Variants in GRIA2 observed in about 807,000 individuals in gnomAD.
GRIA2 encodes glutamate receptor 2.
Under a neutral mutation model 97.3 loss-of-function variants are expected in GRIA2, and 14 were observed. The ratio of observed to expected loss-of-function variants is 0.14; its 90% CI spans 0.10 to 0.23. GRIA2 has a LOEUF of 0.23. Among genes scored for constraint, GRIA2 ranks in the 10% least tolerant of loss-of-function variants. GRIA2 has a pLI of 1.00. For missense variants in GRIA2, 558 were observed against 1,069.8 expected, an observed-to-expected ratio of 0.52 and a Z score of 6.67; for synonymous variants, 412 against 387.8, an observed-to-expected ratio of 1.06 and a Z score of -0.73.
chr4:157,295,736 T>G (rs943578822), intron 2 of GRIA2, among the ~76,000 whole-genome samples: 1 of 152,138 alleles, frequency 6.6e-6, no homozygotes, highest in African/African-American at 2.4e-5. Context: ...AAGAGAACAT[T>G]GTATTTACCT....
chr4:157,360,696 G>GT (rs375163206), intron 13 of GRIA2: 11,728 of 298,816 alleles, frequency 0.039, no homozygotes, highest in South Asian at 0.074. Flanking sequence ...TTTGTCGTTT[G>GT]TTTTTTTTTT....
chr4:157,312,918 T>C, intron 4 of GRIA2, 43 bp downstream of exon 4: 2 of 1,136,058 alleles, frequency 1.8e-6, no homozygotes, highest in Non-Finnish European at 2.5e-6. Flanking sequence ...ATATAGAATA[T>C]GCATGCAATG....
In GRIA2 at chr4:157,317,660, T is replaced by A; in HGVS notation, c.669T>A (p.Val223=). The A allele has an allele frequency of 8.9e-7, 1 of 1,123,896 alleles. No individual in the cohort carries two copies. Among genetic ancestry groups the A allele is most frequent in the Non-Finnish European group, 1.3e-6 (1 of 743,574 alleles). The allele number at this position is 1,123,896 out of a possible 1,614,324, so 69.6% of individuals were successfully genotyped here. A position where few individuals can be genotyped will look rare whatever the true frequency, so the allele number is the denominator to read the frequency against. The change falls in exon 5 of 16, where the codon GTT becomes GTA. Residue 223 remains valine, a splice_region_variant and synonymous_variant. Coordinates refer to ENST00000264426, the MANE Select transcript of GRIA2 (RefSeq NM_001083619.3). The part of the protein sequence containing the change: ...RDKVNDIVDQ[V]ITIGKHVKGY... ...AATTACTTATTTGTGCTTATTAGGT[T>A]ATTACCATTGGAAAACATGTTAAAG...
chr4:157,292,961 C>T (rs1310757301), intron 2 of GRIA2, among the ~76,000 whole-genome samples: 1 of 152,040 alleles, frequency 6.6e-6, no homozygotes, highest in Non-Finnish European at 1.5e-5. Context: ...AAGAGCAATG[C>T]GTACTGTCAA....
At chr4:157,321,975 G>C (rs2126906838) in intron 6 of GRIA2, among the ~76,000 whole-genome samples, 1 of 152,212 alleles carries the variant, frequency 6.6e-6, no homozygotes, top group Non-Finnish European at 1.5e-5. Flanking sequence ...ATTGACAGAA[G>C]AATGCCACGA....
chr4:157,305,143 T>C (rs1733787402), intron 3 of GRIA2, among the ~76,000 whole-genome samples: 1 of 152,232 alleles, frequency 6.6e-6, no homozygotes, highest in African/African-American at 2.4e-5. Context: ...CTGAGCTTAT[T>C]AAATAATTTT....
intron 2 of GRIA2, among the ~76,000 whole-genome samples, chr4:157,287,210 AT>A (rs1386010224): frequency 6.6e-6 from 1 of 151,676 alleles, no homozygotes; most frequent in Non-Finnish European, 1.5e-5. Flanking sequence ...TAATAGTTAA[AT>A]TTATTATTTT....
chr4:157,277,818 ATATATATG>A (rs1159462908), intron 2 of GRIA2, among the ~76,000 whole-genome samples: 4 of 144,048 alleles, frequency 2.8e-5, no homozygotes, highest in Non-Finnish European at 4.6e-5. Context: ...TGTATGCTAT[ATATATATG>A]TATATATGTA....
chr4:157,308,643 C>A (rs1361984400), intron 3 of GRIA2, among the ~76,000 whole-genome samples: 1 of 152,126 alleles, frequency 6.6e-6, no homozygotes, highest in Non-Finnish European at 1.5e-5. Context: ...ATAACTATTG[C>A]ATACTAATAG....
At chr4:157,323,713 G>A (rs887335395) in intron 6 of GRIA2, among the ~76,000 whole-genome samples, 2 of 152,030 alleles carry the variant, frequency 1.3e-5, no homozygotes, top group African/African-American at 4.8e-5. Flanking sequence ...TCAAGTTAAT[G>A]TGTCTTGCAT....
At chr4:157,294,887 G>A (rs890049833) in intron 2 of GRIA2, among the ~76,000 whole-genome samples, 4 of 152,144 alleles carry the variant, frequency 2.6e-5, no homozygotes, top group Non-Finnish European at 4.4e-5. Flanking sequence ...CATAGAGCAT[G>A]AGTTGAGCAA....
At chr4:157,278,759 A>C (rs1160962774) in intron 2 of GRIA2, among the ~76,000 whole-genome samples, 3 of 148,174 alleles carry the variant, frequency 2.0e-5, no homozygotes, top group African/African-American at 7.8e-5. Context: ...AAGAACTCAT[A>C]AAACTCAACA....
intron 5 of GRIA2, among the ~76,000 whole-genome samples, chr4:157,318,848 A>G (rs989796415): frequency 1.3e-5 from 2 of 152,166 alleles, no homozygotes; most frequent in African/African-American, 2.4e-5. Context: ...AAAGCTTTTG[A>G]CATATACAAA....
chr4:157,221,543 G>C, intron 1 of GRIA2, 124 bp from the exon 2 acceptor site: 1 of 954,598 alleles, frequency 1.0e-6, no homozygotes, highest in Non-Finnish European at 1.6e-6. Context: ...GAGTCCGTAG[G>C]TGTGTTTATT....
Position 157,336,470 on chromosome 4 carries a change from A to G in GRIA2, c.1567A>G (p.Ile523Val). 1 of 1,613,196 alleles carries G rather than the reference A, an allele frequency of 6.2e-7. No individual in the cohort carries two copies. The highest frequency in any genetic ancestry group is 8.5e-7 in the Non-Finnish European group (1 of 1,179,428). ...GCCCTTCATGAGCCTCGGGATATCT[A>G]TCATGATCAAGAAGCCTCAGAAGTC... Reference protein sequence around the residue: ...SKPFMSLGISIMIKKPQKSKP... With the variant: ...SKPFMSLGISVMIKKPQKSKP... Residue 523 changes from isoleucine to valine, a missense_variant, in exon 11 of 16, where the codon ATC (isoleucine) becomes GTC (valine). Ile to Val is a conservative substitution (Grantham distance 29). Transcript: ENST00000264426.
chr4:157,362,929 T>C lies in GRIA2; in HGVS notation c.2537T>C (p.Met846Thr), dbSNP rs1374294594. 1 of 1,613,632 alleles carries C rather than the reference T, an allele frequency of 6.2e-7. No individual in the cohort carries two copies. The highest frequency in any genetic ancestry group is 8.5e-7 in the Non-Finnish European group (1 of 1,179,688). ...AAGTCAAGGGCCGAGGCGAAACGAA[T>C]GAAGGTGGCAAAGAATGCACAGAAT... ...CYKSRAEAKRMKVAKNAQNIN... is the reference protein window; with the variant it reads ...CYKSRAEAKRTKVAKNAQNIN... Residue 846 changes from methionine (M) to threonine (T), a missense_variant, in exon 15 of 16, where the codon ATG (methionine) becomes ACG (threonine). By Grantham distance (81) the Met-to-Thr change is moderately conservative (BLOSUM62 -1). Coordinates refer to ENST00000264426, the MANE Select transcript of GRIA2 (RefSeq NM_001083619.3).
chr4:157,225,633 T>TC (rs1729708883), intron 2 of GRIA2, among the ~76,000 whole-genome samples: 2 of 151,456 alleles, frequency 1.3e-5, no homozygotes, highest in East Asian at 3.9e-4. Flanking sequence ...TTTTTTTTTT[T>TC]TTCTAGCCTT....
intron 6 of GRIA2, among the ~76,000 whole-genome samples, chr4:157,327,844 A>G (rs1734874164): frequency 6.6e-6 from 1 of 152,118 alleles, no homozygotes; most frequent in Admixed American, 6.6e-5. Context: ...ATCTGCCTGA[A>G]AATAGTATAA....
At chr4:157,341,225 T>C in intron 11 of GRIA2, 39 bp from the exon 12 acceptor site, 1 of 1,349,098 alleles carries the variant, frequency 7.4e-7, no homozygotes, top group Non-Finnish European at 1.1e-6. Flanking sequence ...ATTAGGTCAT[T>C]CATTTCACTT....
Sources: allele counts gnomAD v4.1 joint callset (sites outside exome capture counted in the v4.1 genomes callset), GRCh38; gene constraint gnomAD v4.1.1; transcripts MANE v1.5; gene names NCBI Gene and HGNC (gene_info 2026-07-23, HGNC 2026-07-21).